Variants in BTBD8 observed in about 807,000 individuals in gnomAD.
BTBD8 encodes BTB/POZ domain-containing protein 8.
In BTBD8, 110 loss-of-function variants were observed where a neutral mutation model predicts 162.9. The ratio of observed to expected loss-of-function variants is 0.68; its 90% CI spans 0.58 to 0.79. The LOEUF (loss-of-function observed/expected upper bound fraction) is 0.79, where lower values mean the gene tolerates loss of function less well. BTBD8 is among the 30% of genes least tolerant of loss of function. BTBD8 has a pLI of 0.00. For missense variants in BTBD8, 1,905 were observed against 2,085.4 expected (o/e 0.91, Z 1.68); for synonymous variants, 667 against 716.1 (o/e 0.93, Z 1.10).
chr1:92,121,851 T>C (rs1390851222), intron 4 of BTBD8, among the ~76,000 whole-genome samples: 1 of 152,028 alleles, frequency 6.6e-6, no homozygotes, highest in Non-Finnish European at 1.5e-5. Flanking sequence ...ATTTTTTTTT[T>C]TTTGAGACAG....
rs1163437623 is a variant in BTBD8 at position 92,115,468 on chromosome 1, C to G, written c.662+7467C>G. 16 of 466,258 alleles carry G rather than the reference C, an allele frequency of 3.4e-5. No homozygotes were observed. In the East Asian group the frequency reaches 9.2e-4, roughly 27 times the overall value. 28.9% of individuals were successfully genotyped at this position (466,258 alleles called of 1,614,324 possible). A position where few individuals can be genotyped will look rare whatever the true frequency, so the allele number is the denominator to read the frequency against. ...GTAATGACCCTTTTGGCTCCACCCT[C>G]TAAGTGAGCCCCAGCCTTCTCCACG... On this transcript the variant is annotated intron_variant, in intron 4 of 17. Coordinates refer to ENST00000636805, the MANE Select transcript of BTBD8 (RefSeq NM_001376131.1).
At position 92,147,628 on chromosome 1, in the gene BTBD8, T is replaced by C; in HGVS notation, c.1020-56T>C. On this transcript the variant is annotated intron_variant, in intron 8 of 17. Transcript: ENST00000636805. ...TGTAATTGAAAACCAAAATATTGAC[T>C]ATTATAATGAAAAACATCTTAATTT... is the stretch of plus-strand genomic sequence containing the variant. 3 of 1,400,644 alleles carry C rather than the reference T, an allele frequency of 2.1e-6. No individual in the cohort carries two copies. The South Asian group carries it at 3.7e-5, about 17-fold the overall frequency. The allele number at this position is 1,400,644 out of a possible 1,614,324, so 86.8% of individuals were successfully genotyped here.
At chr1:92,133,839 G>A (rs144458655) in intron 5 of BTBD8, among the ~76,000 whole-genome samples, 115 of 152,088 alleles carry the variant, frequency 7.6e-4, no homozygotes, top group African/African-American at 1.3e-3. Context: ...GCGTGGTGGC[G>A]GGCGCCTGTA....
At chr1:92,158,377 T>TC (rs1650207711) in intron 9 of BTBD8, among the ~76,000 whole-genome samples, 12 of 151,996 alleles carry the variant, frequency 7.9e-5, no homozygotes, top group Admixed American at 7.9e-4. Context: ...TTTTTTTCTC[T>TC]TTTTTGGTAT....
rs1000621722 is a variant in BTBD8 at position 92,183,811 on chromosome 1, T to A, written c.4913-53T>A. The A allele has an allele frequency of 2.5e-6, 3 of 1,212,246 alleles. No individual in the cohort carries two copies. In the African/African-American group the frequency reaches 4.6e-5, roughly 19 times the overall value. The allele number at this position is 1,212,246 out of a possible 1,614,324, so 75.1% of individuals were successfully genotyped here. A position where few individuals can be genotyped will look rare whatever the true frequency, so the allele number is the denominator to read the frequency against. Reference sequence around the variant, plus strand: ...ATTGTGTTAATATTCTACAAAACTCTGAGGGTACCAACGTGCAATTTTTAC... The same window carrying A: ...ATTGTGTTAATATTCTACAAAACTCAGAGGGTACCAACGTGCAATTTTTAC... On this transcript the variant is annotated intron_variant, in intron 17 of 17. Transcript: ENST00000636805.
intron 4 of BTBD8, chr1:92,125,594 G>A: frequency 7.6e-6 from 2 of 262,970 alleles, no homozygotes; most frequent in South Asian, 4.2e-5. Context: ...AGGTGACAAG[G>A]TACCGTCAGC....
chr1:92,128,751 G>A (rs538806049), intron 4 of BTBD8, among the ~76,000 whole-genome samples: 1 of 152,244 alleles, frequency 6.6e-6, no homozygotes, highest in South Asian at 2.1e-4. Context: ...TCATAGTTCT[G>A]TAATGTAGGC....
At chr1:92,136,738 G>A (rs1649643421) in intron 5 of BTBD8, among the ~76,000 whole-genome samples, 1 of 152,218 alleles carries the variant, frequency 6.6e-6, no homozygotes, top group Admixed American at 6.5e-5. Context: ...GATTCAGTCT[G>A]CCTGGATTTA....
chr1:92,153,530 C>T (rs914327229), intron 9 of BTBD8, among the ~76,000 whole-genome samples: 7 of 152,118 alleles, frequency 4.6e-5, no homozygotes, highest in Non-Finnish European at 7.3e-5. Flanking sequence ...CCCCATTTTC[C>T]CCTTCCCCAG....
intron 9 of BTBD8, among the ~76,000 whole-genome samples, chr1:92,164,105 G>A (rs1024455147): frequency 3.3e-5 from 5 of 152,176 alleles, no homozygotes; most frequent in Non-Finnish European, 5.9e-5. Context: ...AAGAGGAAAC[G>A]ACAATGGTCC....
intron 9 of BTBD8, among the ~76,000 whole-genome samples, chr1:92,150,175 A>G (rs1484717451): frequency 1.3e-5 from 2 of 152,238 alleles, no homozygotes; most frequent in Non-Finnish European, 2.9e-5. Flanking sequence ...TAATTTTACT[A>G]TAGACTAATG....
At chr1:92,134,251 A>G (rs1649578404) in intron 5 of BTBD8, among the ~76,000 whole-genome samples, 1 of 152,132 alleles carries the variant, frequency 6.6e-6, no homozygotes, top group African/African-American at 2.4e-5. Flanking sequence ...CTGGCCTTCA[A>G]TATAAGTTTT....
chr1:92,127,074 T>G (rs1649378768), intron 4 of BTBD8, among the ~76,000 whole-genome samples: 1 of 152,240 alleles, frequency 6.6e-6, no homozygotes, highest in South Asian at 2.1e-4. Flanking sequence ...TTTGCCAAGC[T>G]AATTTGCCTG....
rs1301594427 is a variant in BTBD8 at position 92,182,114 on chromosome 1, T to A, written c.4431T>A (p.His1477Gln). ...SPSDVFDGIS[H>Q]EHHGRTCYSR... is the part of the protein sequence containing the mutation. ...CTGATGTTTTTGATGGCATTTCTCA[T>A]GAACATCATGGAAGGACCTGCTATT... The change falls in exon 17 of 18, where the codon CAT becomes CAA. Residue 1477 changes from histidine to glutamine, a missense_variant. His to Gln is a conservative substitution (Grantham distance 24, BLOSUM62 0). Transcript: ENST00000636805. The A allele has an allele frequency of 1.3e-6, 2 of 1,551,564 alleles. No individual in the cohort carries two copies. The highest frequency in any genetic ancestry group is 1.7e-6 in the Non-Finnish European group (2 of 1,146,916).
chr1:92,165,443 T>A (rs559096516), intron 9 of BTBD8, among the ~76,000 whole-genome samples: 1 of 151,676 alleles, frequency 6.6e-6, no homozygotes, highest in East Asian at 1.9e-4. Flanking sequence ...TTTCTTATAG[T>A]GTGTATAAAA....
chr1:92,159,876 T>C (rs966752575), intron 9 of BTBD8, among the ~76,000 whole-genome samples: 5 of 152,290 alleles, frequency 3.3e-5, no homozygotes, highest in South Asian at 2.1e-4. Flanking sequence ...GTGGATTTCT[T>C]TGGATTCATC....
At chr1:92,167,189 G>C in intron 10 of BTBD8, 49 bp downstream of exon 10, 1 of 1,534,014 alleles carries the variant, frequency 6.5e-7, no homozygotes. Flanking sequence ...TTTGTGTTCT[G>C]ATTTCAATTA....
intron 1 of BTBD8, among the ~76,000 whole-genome samples, chr1:92,086,345 A>C (rs923056986): frequency 6.6e-6 from 1 of 152,138 alleles, no homozygotes; most frequent in Non-Finnish European, 1.5e-5. Context: ...ACATGTTCCA[A>C]AATCTTTTAC....
At chr1:92,085,668 T>C (rs1328371425) in intron 1 of BTBD8, among the ~76,000 whole-genome samples, 2 of 152,102 alleles carry the variant, frequency 1.3e-5, no homozygotes, top group Admixed American at 6.5e-5. Flanking sequence ...AGGTAGAGGT[T>C]GCAGTGAGCC....
Sources: allele counts gnomAD v4.1 joint callset (sites outside exome capture counted in the v4.1 genomes callset), GRCh38; gene constraint gnomAD v4.1.1; transcripts MANE v1.5; gene names NCBI Gene and HGNC (gene_info 2026-07-23, HGNC 2026-07-21).